PTPRT: variants seen among roughly 807,000 people sequenced by gnomAD.
PTPRT encodes receptor-type tyrosine-protein phosphatase T.
A neutral mutation model predicts 176.8 loss-of-function variants in PTPRT; 56 were observed. The observed-to-expected ratio is 0.32, with a 90% CI of 0.26 to 0.40. The LOEUF (loss-of-function observed/expected upper bound fraction) is 0.40, where lower values mean the gene tolerates loss of function less well. PTPRT is among the 10% of genes least tolerant of loss of function. The pLI is 1.00. For missense variants in PTPRT, 1,540 were observed against 1,908.2 expected (o/e 0.81, Z 3.60); for synonymous variants, 783 against 739.0 (o/e 1.06, Z -0.96).
rs1331805849 is a variant in PTPRT at position 42,077,427 on chromosome 20, G to A, written c.*3452C>T. 2 of 223,494 alleles carry A rather than the reference G, an allele frequency of 8.9e-6. No individual in the cohort carries two copies. Among genetic ancestry groups the A allele is most frequent in the Non-Finnish European group, 1.8e-5 (2 of 111,978 alleles). The allele number at this position is 223,494 out of a possible 1,614,324, so 13.8% of individuals were successfully genotyped here. On this transcript the variant is annotated 3_prime_UTR_variant, in exon 31 of 31. Coordinates refer to ENST00000373187, the MANE Select transcript of PTPRT (RefSeq NM_007050.6). ...CCCCAAACAGAGCCCACATCTATGAGGTAAGAGCTCCTGTTGTAAAGACTC... is the reference window on the plus strand; with the variant it reads ...CCCCAAACAGAGCCCACATCTATGAAGTAAGAGCTCCTGTTGTAAAGACTC...
At chr20:42,896,979 G>C (rs1319327675) in intron 1 of PTPRT, among the ~76,000 whole-genome samples, 1 of 152,192 alleles carries the variant, frequency 6.6e-6, no homozygotes, top group Non-Finnish European at 1.5e-5. Flanking sequence ...ATTTGGAGAA[G>C]TGTGTGCCGG....
intron 6 of PTPRT, among the ~76,000 whole-genome samples, chr20:42,729,072 T>TA (rs923012709): frequency 1.3e-4 from 19 of 150,246 alleles, no homozygotes; most frequent in South Asian, 6.4e-4. Flanking sequence ...GTCTTCAAAT[T>TA]AAAAAAAAAG....
chr20:42,680,102 T>G (rs2075577834), intron 6 of PTPRT, among the ~76,000 whole-genome samples: 1 of 152,174 alleles, frequency 6.6e-6, no homozygotes. Context: ...CAGGTATACA[T>G]TTTAGCTTGG....
Position 42,223,799 on chromosome 20 carries a change from G to T in PTPRT, c.2342+12430C>A, listed in dbSNP as rs111626607. ...AATCAAAATTGGTATGGGGAAGGAA[G>T]AATGAAATGAAGTATGAAGACTTAG... On this transcript the variant is annotated intron_variant, in intron 15 of 30. Coordinates refer to ENST00000373187, the MANE Select transcript of PTPRT (RefSeq NM_007050.6). Among the ~76,000 whole-genome samples, 27 of 152,270 alleles carry T rather than the reference G, an allele frequency of 1.8e-4. 2 individuals carry two copies. Among genetic ancestry groups the T allele is most frequent in the African/African-American group, 6.5e-4 (27 of 41,554 alleles).
At chr20:43,132,534 A>G (rs1281230447) in intron 1 of PTPRT, among the ~76,000 whole-genome samples, 1 of 152,208 alleles carries the variant, frequency 6.6e-6, no homozygotes, top group Non-Finnish European at 1.5e-5. Context: ...CGTAATCCCA[A>G]TCAAAAGTCT....
At chr20:42,121,410 A>AT (rs1013016472) in intron 19 of PTPRT, among the ~76,000 whole-genome samples, 31 of 152,070 alleles carry the variant, frequency 2.0e-4, no homozygotes, top group South Asian at 6.2e-4. Context: ...TAAGCTTAAA[A>AT]TTTTTTTTGT....
chr20:42,266,900 A>G (rs1187293894), intron 13 of PTPRT, among the ~76,000 whole-genome samples: 1 of 152,192 alleles, frequency 6.6e-6, no homozygotes, highest in African/African-American at 2.4e-5. Flanking sequence ...AACTGAATTT[A>G]AAAATTTATT....
Position 42,956,149 on chromosome 20 carries a change from C to T in PTPRT, c.89-70217G>A, listed in dbSNP as rs553058739. Among the ~76,000 whole-genome samples, 25 of 152,236 alleles carry T rather than the reference C, an allele frequency of 1.6e-4. No homozygotes were observed. In the South Asian group the frequency reaches 4.1e-3, roughly 25 times the overall value. ...TCGTTGGAAAAGCCAGATCCTACCC[C>T]GTAGTATGGGGTTTTTCCAAGCATT... On this transcript the variant is annotated intron_variant, in intron 1 of 30. Coordinates refer to ENST00000373187, the MANE Select transcript of PTPRT (RefSeq NM_007050.6).
intron 2 of PTPRT, among the ~76,000 whole-genome samples, chr20:42,814,922 C>T (rs1472319738): frequency 1.3e-5 from 2 of 151,736 alleles, no homozygotes; most frequent in African/African-American, 4.8e-5. Flanking sequence ...GAAAAAAGTA[C>T]AACAGAAGAG....
intron 1 of PTPRT, among the ~76,000 whole-genome samples, chr20:43,172,208 C>T (rs1340014771): frequency 6.6e-6 from 1 of 152,164 alleles, no homozygotes; most frequent in Non-Finnish European, 1.5e-5. Context: ...CTGTTAAGAT[C>T]CGGAGAGATA....
chr20:42,698,902 C>T (rs939677485), intron 6 of PTPRT, among the ~76,000 whole-genome samples: 2 of 152,106 alleles, frequency 1.3e-5, no homozygotes, highest in South Asian at 2.1e-4. Flanking sequence ...AATGGCCCTT[C>T]TTATCTGCCT....
At chr20:42,097,974 A>G (rs1985437554) in intron 27 of PTPRT, among the ~76,000 whole-genome samples, 1 of 152,176 alleles carries the variant, frequency 6.6e-6, no homozygotes, top group Non-Finnish European at 1.5e-5. Context: ...TCAGTGGGTA[A>G]TGTGTCCAAG....
At chr20:42,657,685 T>A (rs991856515) in intron 7 of PTPRT, among the ~76,000 whole-genome samples, 5 of 152,194 alleles carry the variant, frequency 3.3e-5, no homozygotes, top group African/African-American at 1.2e-4. Flanking sequence ...TGTAGATAAC[T>A]GATAATAATG....
chr20:42,391,583 C>T (rs1400886895), intron 9 of PTPRT, among the ~76,000 whole-genome samples: 1 of 152,130 alleles, frequency 6.6e-6, no homozygotes, highest in Non-Finnish European at 1.5e-5. Context: ...TCTTGGACTT[C>T]CTGTAGTGAT....
intron 9 of PTPRT, among the ~76,000 whole-genome samples, chr20:42,369,240 G>C (rs2145592509): frequency 6.6e-6 from 1 of 152,274 alleles, no homozygotes; most frequent in Non-Finnish European, 1.5e-5. Context: ...TGGGACTACA[G>C]TCATGTGTGC....
the PTPRT span, among the ~76,000 whole-genome samples, chr20:42,061,203 C>T: frequency 6.6e-6 from 1 of 152,116 alleles, no homozygotes; most frequent in Non-Finnish European, 1.5e-5. Flanking sequence ...CTTCCAGGGG[C>T]CTCATGTGGA....
intron 16 of PTPRT, among the ~76,000 whole-genome samples, chr20:42,169,928 C>T (rs1224932246): frequency 6.6e-6 from 1 of 152,068 alleles, no homozygotes; most frequent in African/African-American, 2.4e-5. Context: ...TCTGATGTCC[C>T]TACGCCATCA....
intron 4 of PTPRT, among the ~76,000 whole-genome samples, chr20:42,778,328 G>A (rs181408754): frequency 2.6e-5 from 4 of 152,306 alleles, no homozygotes; most frequent in East Asian, 3.9e-4. Flanking sequence ...TACGGCTAGG[G>A]TAAGAGACAG....
At chr20:43,170,942 C>T (rs912341112) in intron 1 of PTPRT, among the ~76,000 whole-genome samples, 4 of 152,210 alleles carry the variant, frequency 2.6e-5, no homozygotes, top group Non-Finnish European at 5.9e-5. Context: ...TGAGACAATG[C>T]TGGTCTGGAA....
Sources: gnomAD v4.1 joint callset for allele counts (sites outside exome capture counted in the v4.1 genomes callset) on GRCh38, gnomAD v4.1.1 for gene constraint, MANE v1.5 for transcripts, NCBI Gene and HGNC (gene_info 2026-07-23, HGNC 2026-07-21) for gene names.